ARHGAP20: variants seen among roughly 807,000 people sequenced by gnomAD.
ARHGAP20 encodes the protein rho GTPase-activating protein 20.
Under a neutral mutation model 73.7 loss-of-function variants are expected in ARHGAP20, and 34 were observed. The observed-to-expected ratio is 0.46, with a 90% CI of 0.35 to 0.61. ARHGAP20 has a LOEUF of 0.61. ARHGAP20 is among the 20% of genes least tolerant of loss of function. ARHGAP20 has a pLI of 0.00. For missense variants in ARHGAP20, 1,314 were observed against 1,420.9 expected (o/e 0.92, Z 1.21); for synonymous variants, 523 against 518.2 (o/e 1.01, Z -0.13).
intron 2 of ARHGAP20, among the ~76,000 whole-genome samples, chr11:110,661,805 A>G (rs375423201): frequency 1.2e-4 from 19 of 152,090 alleles, no homozygotes; most frequent in African/African-American, 3.6e-4. Context: ...CAAGAATGGG[A>G]ATGGTACAAC....
chr11:110,671,557 T>G (rs1949828317), intron 2 of ARHGAP20, among the ~76,000 whole-genome samples: 1 of 152,110 alleles, frequency 6.6e-6, no homozygotes, highest in African/African-American at 2.4e-5. Flanking sequence ...GTAAAACCAT[T>G]TTTATTCACA....
At chr11:110,618,675 A>C (rs1010875765) in intron 4 of ARHGAP20, among the ~76,000 whole-genome samples, 18 of 151,394 alleles carry the variant, frequency 1.2e-4, no homozygotes, top group African/African-American at 3.4e-4. Context: ...GCAGTGATAG[A>C]GTATATGCAG....
In ARHGAP20 at chr11:110,634,256, G is replaced by A. The variant is rs535638523; in HGVS notation, c.189-3464C>T. ...TGAGGAGTAAAAGGATGAGAAGTGA[G>A]GAACTAAAGGCAAAACTCTTGTTGT... On this transcript the variant is annotated intron_variant, in intron 2 of 14. Coordinates refer to ENST00000683387, the MANE Select transcript of ARHGAP20 (RefSeq NM_001384657.1). Among the ~76,000 whole-genome samples the A allele has an allele frequency of 1.6e-4, 25 of 152,118 alleles. No homozygotes were observed. In the South Asian group the frequency reaches 5.2e-3, roughly 32 times the overall value.
Position 110,577,916 on chromosome 11 carries a change from T to G in ARHGAP20, c.*1454A>C. 5.1e-6 allele frequency: 5 copies of G among 985,712 alleles called. No individual in the cohort carries two copies. Among genetic ancestry groups the G allele is most frequent in the Non-Finnish European group, 6.0e-6 (5 of 829,824 alleles). 61.1% of individuals were successfully genotyped at this position (985,712 alleles called of 1,614,324 possible). ...TTTGATATGACCATTTTCTGGTGAT[T>G]AATAAGACAAATAATTTGGAATAAG... On this transcript the variant is annotated 3_prime_UTR_variant, in exon 15 of 15. Transcript: ENST00000683387.
chr11:110,688,092 T>C (rs978002789), intron 2 of ARHGAP20, among the ~76,000 whole-genome samples: 13 of 152,176 alleles, frequency 8.5e-5, no homozygotes, highest in Admixed American at 7.9e-4. Context: ...ATTTTCCCCC[T>C]TCGTGCATAT....
chr11:110,682,223 T>A (rs1245686352), intron 2 of ARHGAP20, among the ~76,000 whole-genome samples: 1 of 152,206 alleles, frequency 6.6e-6, no homozygotes, highest in Non-Finnish European at 1.5e-5. Flanking sequence ...TGAGAATGTG[T>A]ACTTCCTTCT....
At chr11:110,640,183 A>C (rs1418464326) in intron 2 of ARHGAP20, among the ~76,000 whole-genome samples, 1 of 152,076 alleles carries the variant, frequency 6.6e-6, no homozygotes. Context: ...CCTATAGTTT[A>C]TAATGAACTC....
At chr11:110,688,593 T>A (rs1183040115) in intron 2 of ARHGAP20, among the ~76,000 whole-genome samples, 1 of 152,054 alleles carries the variant, frequency 6.6e-6, no homozygotes, top group Non-Finnish European at 1.5e-5. Context: ...GTTTCCTCTA[T>A]CCACCTCCCC....
intron 7 of ARHGAP20, among the ~76,000 whole-genome samples, chr11:110,610,794 C>T (rs1339460506): frequency 6.6e-6 from 1 of 152,104 alleles, no homozygotes; most frequent in Non-Finnish European, 1.5e-5. Flanking sequence ...TTTTTATTTA[C>T]CAATTTATCA....
chr11:110,645,170 C>G (rs993805151), intron 2 of ARHGAP20, among the ~76,000 whole-genome samples: 1 of 151,950 alleles, frequency 6.6e-6, no homozygotes, highest in African/African-American at 2.4e-5. Flanking sequence ...CCACCACACC[C>G]CGCTAATTTT....
chr11:110,664,727 CAAAAAAA>C (rs34643863), intron 2 of ARHGAP20, among the ~76,000 whole-genome samples: 3,053 of 88,336 alleles, frequency 0.035, 85 homozygotes, highest in African/African-American at 0.098. Context: ...GACTCCGTCT[CAAAAAAA>C]AAAAAAAAAA....
At chr11:110,625,281 C>T (rs1222715207) in intron 3 of ARHGAP20, among the ~76,000 whole-genome samples, 1 of 151,744 alleles carries the variant, frequency 6.6e-6, no homozygotes. Flanking sequence ...TCATGATCCA[C>T]CCGCCTCGGC....
chr11:110,666,845 C>T (rs1273910200), intron 2 of ARHGAP20, among the ~76,000 whole-genome samples: 4 of 152,174 alleles, frequency 2.6e-5, no homozygotes, highest in Non-Finnish European at 5.9e-5. Flanking sequence ...GTGATATAGC[C>T]TTATTGCTGA....
chr11:110,672,463 C>T (rs1949848293), intron 2 of ARHGAP20, among the ~76,000 whole-genome samples: 1 of 151,738 alleles, frequency 6.6e-6, no homozygotes, highest in Admixed American at 6.6e-5. Context: ...CATACACCCA[C>T]CAGATGGCTA....
intron 4 of ARHGAP20, among the ~76,000 whole-genome samples, chr11:110,619,882 T>G (rs1256162278): frequency 6.6e-6 from 1 of 152,182 alleles, no homozygotes; most frequent in Non-Finnish European, 1.5e-5. Context: ...TTTTTTGAGA[T>G]GTGACTACCC....
At chr11:110,706,838 T>A (rs780852247) in intron 1 of ARHGAP20, among the ~76,000 whole-genome samples, 2 of 152,086 alleles carry the variant, frequency 1.3e-5, no homozygotes, top group African/African-American at 4.8e-5. Context: ...GCCAACACAA[T>A]CTCACGTATC....
At chr11:110,642,503 T>C (rs945811057) in intron 2 of ARHGAP20, among the ~76,000 whole-genome samples, 7 of 152,090 alleles carry the variant, frequency 4.6e-5, no homozygotes, top group Non-Finnish European at 8.8e-5. Context: ...GGAAGGGATG[T>C]TGGGTTTTGT....
chr11:110,704,002 C>A (rs147753934), intron 1 of ARHGAP20, among the ~76,000 whole-genome samples: 1 of 152,156 alleles, frequency 6.6e-6, no homozygotes, highest in African/African-American at 2.4e-5. Flanking sequence ...CAGACACAAC[C>A]GCAACAGTTG....
chr11:110,620,748 G>A (rs901229293), intron 4 of ARHGAP20, among the ~76,000 whole-genome samples: 1 of 151,974 alleles, frequency 6.6e-6, no homozygotes, highest in Non-Finnish European at 1.5e-5. Flanking sequence ...TGTATTCTAG[G>A]TTAAACGGTT....
Sources: gnomAD v4.1 joint callset for allele counts (sites outside exome capture counted in the v4.1 genomes callset) on GRCh38, gnomAD v4.1.1 for gene constraint, MANE v1.5 for transcripts, NCBI Gene and HGNC (gene_info 2026-07-23, HGNC 2026-07-21) for gene names.